Variants in ZRANB2 observed in about 807,000 individuals in gnomAD.
ZRANB2 encodes the protein zinc finger RANBP2-type containing 2.
A neutral mutation model predicts 53.4 loss-of-function variants in ZRANB2; 19 were observed. The observed-to-expected ratio is 0.36, with a 90% confidence interval of 0.25 to 0.52. The LOEUF is 0.52. Ranked by LOEUF, ZRANB2 falls within the 20% of genes least tolerant of loss-of-function variation. The probability of loss-of-function intolerance (pLI) is 0.93; values close to 1 mark genes in which losing one functional copy is unlikely to be tolerated. For synonymous variants in ZRANB2, 145 were observed against 134.8 expected, an observed-to-expected ratio of 1.08 and a Z score of -0.52; for missense variants, 309 against 401.1, an observed-to-expected ratio of 0.77 and a Z score of 1.96.
Position 71,070,891 on chromosome 1 carries a change from G to C in ZRANB2, c.619C>G (p.Arg207Gly), listed in dbSNP as rs11583800. The C allele has an allele frequency of 0.092, 147,724 of 1,609,270 alleles. 7,637 individuals carry two copies. Among genetic ancestry groups the C allele is most frequent in the Non-Finnish European group, 0.1 (123,046 of 1,177,424 alleles). The change falls in exon 7 of 10, where the codon CGA becomes GGA. Residue 207 changes from arginine to glycine, a missense_variant. Arg to Gly is a moderately radical substitution (Grantham distance 125, BLOSUM62 -2). Around this residue, in one of 3 missense-constraint regions of ZRANB2, gnomAD observed 211 missense variants for 196.1 expected, o/e 1.08. Coordinates refer to ENST00000370920, the MANE Select transcript of ZRANB2 (RefSeq NM_203350.3). The stretch of plus-strand genomic sequence containing the variant: ...GATGAAGATCGTGAATGTGAAGATC[G>C]AGACTTTGAGCGACTTCGTCTATTA... ...KSNRRSRSKSRSSHSRSSSRS... is the reference protein window; with the variant it reads ...KSNRRSRSKSGSSHSRSSSRS...
Position 71,067,148 on chromosome 1 carries a change from A to G in ZRANB2, c.771-214T>C. On this transcript the variant is annotated intron_variant, in intron 8 of 9. Coordinates refer to ENST00000370920, the MANE Select transcript of ZRANB2 (RefSeq NM_203350.3). ...TTTAATTTTGTCTCTTTAAAATTCT[A>G]TCATGTGTAATTAAAACCCTGCTTA... 7.5e-6 allele frequency: 3 copies of G among 401,532 alleles called. No individual in the cohort carries two copies. The South Asian group carries it at 2.0e-4, about 27-fold the overall frequency. The allele number at this position is 401,532 out of a possible 1,614,324, so 24.9% of individuals were successfully genotyped here.
chr1:71,071,942 C>T (rs191819175), intron 6 of ZRANB2, among the ~76,000 whole-genome samples, 179 bp downstream of exon 6: 3 of 152,236 alleles, frequency 2.0e-5, no homozygotes, highest in African/African-American at 7.2e-5. Flanking sequence ...ACTGTATCTC[C>T]AGAACAGTAG....
At chr1:71,071,894 G>C (rs1449744963) in intron 6 of ZRANB2, among the ~76,000 whole-genome samples, 1 of 152,028 alleles carries the variant, frequency 6.6e-6, no homozygotes, top group Non-Finnish European at 1.5e-5. Flanking sequence ...TCCTCCTCTA[G>C]AACTGTGTAA....
Position 71,081,012 on chromosome 1 carries a change from A to C in ZRANB2, c.-17T>G. On this transcript the variant is annotated 5_prime_UTR_variant, in exon 1 of 10. Coordinates refer to ENST00000370920, the MANE Select transcript of ZRANB2 (RefSeq NM_203350.3). ...GGTCGACATCTTGAACGCCACCAGC[A>C]CAGCCACCCGCAGCTATGTCTTCAC... is the stretch of plus-strand genomic sequence containing the variant. 4 of 1,614,146 alleles carry C rather than the reference A, an allele frequency of 2.5e-6. No individual in the cohort carries two copies. The highest frequency in any genetic ancestry group is 3.4e-6 in the Non-Finnish European group (4 of 1,180,012).
At chr1:71,073,382 G>A (rs1028655162) in intron 4 of ZRANB2, among the ~76,000 whole-genome samples, 4 of 151,934 alleles carry the variant, frequency 2.6e-5, no homozygotes, top group South Asian at 4.1e-4. Context: ...ATACTCCAGA[G>A]CAGTATCAGT....
chr1:71,075,873 T>G (rs942534504), intron 4 of ZRANB2, among the ~76,000 whole-genome samples: 4 of 150,988 alleles, frequency 2.6e-5, no homozygotes, highest in Admixed American at 2.6e-4. Flanking sequence ...TGTTATAATG[T>G]TCTCACATAT....
intron 7 of ZRANB2, chr1:71,069,711 C>A (rs1661554031): frequency 6.4e-6 from 1 of 156,232 alleles, no homozygotes; most frequent in South Asian, 2.0e-4. Context: ...CTTAATTTCT[C>A]TAAAATGTCT....
chr1:71,078,151 A>G (rs981772596), intron 3 of ZRANB2, among the ~76,000 whole-genome samples: 2 of 152,200 alleles, frequency 1.3e-5, no homozygotes, highest in African/African-American at 2.4e-5. Flanking sequence ...ATTTTTCAAT[A>G]AAGGAAGTAA....
At chr1:71,065,698 C>G (rs746708592) in intron 9 of ZRANB2, 1 of 1,611,944 alleles carries the variant, frequency 6.2e-7, no homozygotes, top group Admixed American at 1.7e-5. Flanking sequence ...TAGTGGTGTT[C>G]CGTAGGGGTT....
In ZRANB2 at chr1:71,078,643, T is replaced by G. The variant is rs767019327; in HGVS notation, c.109+13A>C. The G allele has an allele frequency of 3.7e-6, 6 of 1,612,052 alleles. No homozygotes were observed. The highest frequency in any genetic ancestry group is 5.1e-6 in the Non-Finnish European group (6 of 1,178,504). The stretch of plus-strand genomic sequence containing the variant: ...CATATACAGTATAAATAGAATCTTC[T>G]TTAAATACTTACCCCGACCACATCG... On this transcript the variant is annotated intron_variant, in intron 2 of 9. Coordinates refer to ENST00000370920, the MANE Select transcript of ZRANB2 (RefSeq NM_203350.3).
At position 71,069,386 on chromosome 1, in the gene ZRANB2, T is replaced by C. The variant is rs1661545164; in HGVS notation, c.684-24A>G. The stretch of plus-strand genomic sequence containing the variant: ...ACCTGGAACAACATGGAACGATTTT[T>C]TTTTTCCAGGACCATTTAATTGAGC... On this transcript the variant is annotated intron_variant, in intron 7 of 9. Transcript: ENST00000370920. 5.0e-6 allele frequency: 8 copies of C among 1,601,860 alleles called. No individual in the cohort carries two copies. In the East Asian group the frequency reaches 1.8e-4, roughly 36 times the overall value.
In ZRANB2 at chr1:71,072,262, A is replaced by T; in HGVS notation, c.379-7T>A. ...TTTTCTTTTTACGTCCAAACTAGAGAAAAACAATTTCAAAATGCTTGTCAG... is the reference window on the plus strand; with the variant it reads ...TTTTCTTTTTACGTCCAAACTAGAGTAAAACAATTTCAAAATGCTTGTCAG... On this transcript the variant is annotated splice_polypyrimidine_tract_variant and splice_region_variant and intron_variant, in intron 5 of 9. Transcript: ENST00000370920. The T allele has an allele frequency of 6.2e-7, 1 of 1,601,874 alleles. No individual in the cohort carries two copies. Among genetic ancestry groups the T allele is most frequent in the Non-Finnish European group, 8.5e-7 (1 of 1,176,824 alleles).
chr1:71,070,923 T>C lies in ZRANB2; in HGVS notation c.587A>G (p.Lys196Arg), dbSNP rs1385096224. ...TGAGCGACTTCGTCTATTAGATTTC[T>C]TTTTATTACTATCTTCTTCTTCACT... ...DASEEEDSNK[K>R]KSNRRSRSKS... Residue 196 changes from lysine to arginine, a missense_variant, in exon 7 of 10, where the codon AAG (lysine) becomes AGG (arginine). Physicochemically the swap from Lys to Arg is conservative, Grantham distance 26. Transcript: ENST00000370920. 1.9e-6 allele frequency: 3 copies of C among 1,611,850 alleles called. No individual in the cohort carries two copies. Among genetic ancestry groups the C allele is most frequent in the Non-Finnish European group, 2.5e-6 (3 of 1,179,024 alleles).
chr1:71,065,173 A>G lies in ZRANB2; in HGVS notation c.930-36T>C, dbSNP rs757370186. On this transcript the variant is annotated intron_variant, in intron 9 of 9. Transcript: ENST00000370920. ...TAATGGAGAGAGTAGGCATTCTAGT[A>G]AGCTAGAGCTAAATCTCAGCATTCA... is the stretch of plus-strand genomic sequence containing the variant. The G allele has an allele frequency of 2.0e-6, 3 of 1,502,730 alleles. No individual in the cohort carries two copies. In the South Asian group the frequency reaches 3.5e-5, roughly 17 times the overall value. 93.1% of individuals were successfully genotyped at this position (1,502,730 alleles called of 1,614,324 possible).
rs576634751 is a variant in ZRANB2 at position 71,068,735 on chromosome 1, T to G, written c.770+541A>C. On this transcript the variant is annotated intron_variant, in intron 8 of 9. Coordinates refer to ENST00000370920, the MANE Select transcript of ZRANB2 (RefSeq NM_203350.3). Reference sequence around the variant, plus strand: ...TTGAGGCAGGGTTATTTTTCTTCCTTTTAATAATGAAGAAAATTTTTCTTT... The same window carrying G: ...TTGAGGCAGGGTTATTTTTCTTCCTGTTAATAATGAAGAAAATTTTTCTTT... Among the ~76,000 whole-genome samples the G allele has an allele frequency of 1.3e-4, 20 of 152,264 alleles. No homozygotes were observed. In the East Asian group the frequency reaches 3.5e-3, roughly 26 times the overall value.
chr1:71,067,932 A>T (rs1441950056), intron 8 of ZRANB2, among the ~76,000 whole-genome samples: 2 of 148,514 alleles, frequency 1.3e-5, no homozygotes, highest in Non-Finnish European at 3.0e-5. Context: ...GCTGTGGTGC[A>T]GTAGCATAAG....
At chr1:71,069,399 C>T (rs750534756) in intron 7 of ZRANB2, 37 bp from the exon 8 acceptor site, 3 of 1,531,194 alleles carry the variant, frequency 2.0e-6, no homozygotes, top group Non-Finnish European at 2.7e-6. Flanking sequence ...TTTCCAGGAC[C>T]ATTTAATTGA....
chr1:71,065,543 A>C, intron 9 of ZRANB2: 1 of 1,328,356 alleles, frequency 7.5e-7, no homozygotes, highest in Non-Finnish European at 9.8e-7. Context: ...TTATGTAAAA[A>C]AGATACAGCA....
chr1:71,071,647 G>A (rs1392719013), intron 6 of ZRANB2, among the ~76,000 whole-genome samples: 1 of 151,930 alleles, frequency 6.6e-6, no homozygotes. Context: ...CCTATGTATG[G>A]TATTTTTGAA....
Sources: gnomAD v4.1 joint callset for allele counts (sites outside exome capture counted in the v4.1 genomes callset) on GRCh38, gnomAD v4.1.1 for gene constraint, gnomAD v4.1.1 regional missense constraint, MANE v1.5 for transcripts, NCBI Gene and HGNC (gene_info 2026-07-23, HGNC 2026-07-21) for gene names.